The following MYH2 variants were observed in gnomAD, a reference collection of about 807,000 sequenced individuals.
MYH2 encodes the protein myosin heavy chain 2, also known as myosin-2.
In MYH2, 139 loss-of-function variants were observed where a neutral mutation model predicts 228.1. The observed-to-expected ratio is 0.61, with a 90% confidence interval of 0.53 to 0.70. MYH2 has a LOEUF of 0.70. MYH2 is among the 30% of genes least tolerant of loss of function. The pLI is 0.00. For synonymous variants in MYH2, 796 were observed against 871.1 expected, an observed-to-expected ratio of 0.91 and a Z score of 1.52; for missense variants, 1,809 against 2,357.5, an observed-to-expected ratio of 0.77 and a Z score of 4.82.
chr17:10,538,987 C>A (rs1353752213), intron 14 of MYH2, among the ~76,000 whole-genome samples: 1 of 152,128 alleles, frequency 6.6e-6, no homozygotes, highest in African/African-American at 2.4e-5. Context: ...TCAGAACTCC[C>A]TTTGTATCAA....
At position 10,523,473 on chromosome 17, in the gene MYH2, T is replaced by C. The variant is rs767187821; in HGVS notation, c.5472+23A>G. The stretch of plus-strand genomic sequence containing the variant: ...ATAAGGCACTGAAAGCAGATGGAAA[T>C]AGACAGATATTGGGAGACCCACCCT... On this transcript the variant is annotated intron_variant, in intron 37 of 39. Transcript: ENST00000245503. The C allele has an allele frequency of 5.0e-6, 8 of 1,614,064 alleles. No individual in the cohort carries two copies. In the Admixed American group the frequency reaches 1.2e-4, roughly 24 times the overall value.
chr17:10,536,450 A>T lies in MYH2; in HGVS notation c.1974+80T>A. On this transcript the variant is annotated intron_variant, in intron 17 of 39. Coordinates refer to ENST00000245503, the MANE Select transcript of MYH2 (RefSeq NM_017534.6). Reference sequence around the variant, plus strand: ...TAGATAAATATATCCTTAGAACAAAAATAGAAGTTCAGAAAAACAGACCCA... The same window carrying T: ...TAGATAAATATATCCTTAGAACAAATATAGAAGTTCAGAAAAACAGACCCA... 4.3e-6 allele frequency: 5 copies of T among 1,164,444 alleles called. No homozygotes were observed. The South Asian group carries it at 5.5e-5, about 13-fold the overall frequency. 72.1% of individuals were successfully genotyped at this position (1,164,444 alleles called of 1,614,324 possible). A position where few individuals can be genotyped will look rare whatever the true frequency, so the allele number is the denominator to read the frequency against.
At chr17:10,533,459 A>G in intron 20 of MYH2, 38 bp from the exon 21 acceptor site, 2 of 1,614,130 alleles carry the variant, frequency 1.2e-6, no homozygotes, top group Admixed American at 3.3e-5. Context: ...AAGCTTTAAT[A>G]AAGTTCAAAG....
Position 10,528,958 on chromosome 17 carries a change from G to T in MYH2, c.3476C>A (p.Ala1159Asp), listed in dbSNP as rs570058780. ...LEEISERLEEAGGATSAQIEM... is the reference protein window; with the variant it reads ...LEEISERLEEDGGATSAQIEM... ...AATCTGGGCTGAAGTGGCCCCACCG[G>T]CTTCTTCCAGCCTCTCGCTGATCTC... The change falls in exon 27 of 40, where the codon GCC becomes GAC. Residue 1159 changes from alanine to aspartate, a missense_variant. By Grantham distance (126) the Ala-to-Asp change is moderately radical. Around this residue, in one of 9 missense-constraint regions of MYH2, gnomAD observed 636 missense variants for 729.9 expected, o/e 0.87. Coordinates refer to ENST00000245503, the MANE Select transcript of MYH2 (RefSeq NM_017534.6). The T allele has an allele frequency of 6.2e-7, 1 of 1,614,164 alleles. No homozygotes were observed. Among genetic ancestry groups the T allele is most frequent in the Admixed American group, 1.7e-5 (1 of 60,028 alleles).
Position 10,524,560 on chromosome 17 carries a change from A to G in MYH2, c.5081T>C (p.Leu1694Pro). The G allele has an allele frequency of 6.2e-7, 1 of 1,614,156 alleles. No individual in the cohort carries two copies. The highest frequency in any genetic ancestry group is 8.5e-7 in the Non-Finnish European group (1 of 1,180,030). ...CTCTGTCTGTTCCAGAGTGGCCCGC[A>G]GCTCCTCGATCTCAGCCTGCAGCAG... is the stretch of plus-strand genomic sequence containing the variant. ...ANLLQAEIEE[L>P]RATLEQTERS... The change falls in exon 35 of 40, where the codon CTG becomes CCG. Residue 1694 changes from leucine (L) to proline (P), a missense_variant. Physicochemically the swap from Leu to Pro is moderately conservative, Grantham distance 98. This residue lies in a region of MYH2 where 278 missense variants were observed against 308.5 expected (regional missense o/e 0.90). Transcript: ENST00000245503. The surrounding 1 kb of genome is among the most constrained non-coding windows in gnomAD (Gnocchi z 4.7).
At chr17:10,530,408 G>C (rs373081887) in intron 22 of MYH2, among the ~76,000 whole-genome samples, 2 of 152,210 alleles carry the variant, frequency 1.3e-5, no homozygotes, top group East Asian at 3.8e-4. Flanking sequence ...AAGAATTGCT[G>C]TTTGATTTGG....
chr17:10,549,499 T>C (rs2073675242), intron 1 of MYH2, 82 bp from the exon 2 acceptor site: 1 of 152,590 alleles, frequency 6.6e-6, no homozygotes. Flanking sequence ...GGCTTGCTAT[T>C]GTAAACAGAA....
Position 10,525,604 on chromosome 17 carries a change from A to G in MYH2, c.4384T>C (p.Trp1462Arg). The G allele has an allele frequency of 6.2e-7, 1 of 1,614,156 alleles. No individual in the cohort carries two copies. The highest frequency in any genetic ancestry group is 8.5e-7 in the Non-Finnish European group (1 of 1,180,028). ...TGCGTTTCCTCACATTTCTGTTTCC[A>G]TTCTGCCAGGATCTGAAAAACCAAG... The part of the protein sequence containing the change: ...QRNFDKILAE[W>R]KQKCEETHAE... The change falls in exon 32 of 40, where the codon TGG becomes CGG. Residue 1462 changes from tryptophan to arginine, a missense_variant. Coordinates refer to ENST00000245503, the MANE Select transcript of MYH2 (RefSeq NM_017534.6). The surrounding 1 kb of genome is among the most constrained non-coding windows in gnomAD (Gnocchi z 4.2).
Position 10,547,902 on chromosome 17 carries a change from A to G in MYH2, c.19T>C (p.Leu7=), listed in dbSNP as rs753844617. ...GGAGCAGCCTCCCCAAAAACAGCCA[A>G]TTCTGAGTCTGAACTCATGGCTGCT... MSSDSE[L]AVFGEAAPFL... Residue 7 remains leucine (L), a synonymous_variant, in exon 3 of 40, where the codon TTG becomes CTG. Coordinates refer to ENST00000245503, the MANE Select transcript of MYH2 (RefSeq NM_017534.6). The G allele has an allele frequency of 2.1e-5, 34 of 1,614,044 alleles. No homozygotes were observed. Among genetic ancestry groups the G allele is most frequent in the East Asian group, 2.2e-5 (1 of 44,890 alleles).
intron 11 of MYH2, 39 bp from the exon 12 acceptor site, chr17:10,540,105 T>C (rs762997695): frequency 1.2e-6 from 2 of 1,613,264 alleles, no homozygotes; most frequent in East Asian, 2.2e-5. Flanking sequence ...TAGGTTGTGA[T>C]CCACACGCTT....
At chr17:10,547,985 G>A (rs2073657160) in intron 2 of MYH2, 45 bp from the exon 3 acceptor site, 3 of 1,489,626 alleles carry the variant, frequency 2.0e-6, no homozygotes, top group Non-Finnish European at 2.8e-6. Context: ...GGATTGCCAT[G>A]TATACCAATA....
intron 39 of MYH2, among the ~76,000 whole-genome samples, chr17:10,521,957 T>C (rs190452669): frequency 7.9e-5 from 12 of 152,198 alleles, no homozygotes; most frequent in Non-Finnish European, 1.5e-5. Flanking sequence ...TTGTAAGAAT[T>C]AACCTTATTT....
chr17:10,547,910 T>A lies in MYH2; in HGVS notation c.11A>T (p.Asp4Val), dbSNP rs1248954420. The change falls in exon 3 of 40, where the codon GAC (aspartate) becomes GTC (valine). Residue 4 changes from aspartate (D) to valine (V), a missense_variant. By Grantham distance (152) the Asp-to-Val change is radical. Coordinates refer to ENST00000245503, the MANE Select transcript of MYH2 (RefSeq NM_017534.6). Reference protein sequence around the residue: MSSDSELAVFGEAA... With the variant: MSSVSELAVFGEAA... ...CTCCCCAAAAACAGCCAATTCTGAG[T>A]CTGAACTCATGGCTGCTGAACTCAG... 2 of 1,614,124 alleles carry A rather than the reference T, an allele frequency of 1.2e-6. No homozygotes were observed. Among genetic ancestry groups the A allele is most frequent in the Admixed American group, 1.7e-5 (1 of 60,002 alleles).
chr17:10,537,649 G>A lies in MYH2; in HGVS notation c.1587+16C>T, dbSNP rs1446165090. On this transcript the variant is annotated intron_variant, in intron 15 of 39. Transcript: ENST00000245503. The surrounding 1 kb of genome is among the most constrained non-coding windows in gnomAD (Gnocchi z 4.0). ...ATAGTTGCCGCAAAATATGGTTTCA[G>A]AAATGCAAAACCAACCTTCTCGATG... is the stretch of plus-strand genomic sequence containing the variant. The A allele has an allele frequency of 6.2e-7, 1 of 1,614,008 alleles. No homozygotes were observed. Among genetic ancestry groups the A allele is most frequent in the Non-Finnish European group, 8.5e-7 (1 of 1,180,026 alleles).
At chr17:10,527,522 C>G (rs1385723524) in intron 28 of MYH2, among the ~76,000 whole-genome samples, 2 of 152,230 alleles carry the variant, frequency 1.3e-5, no homozygotes, top group African/African-American at 4.8e-5. Context: ...TCGCAATGAG[C>G]AAATACTCAA....
chr17:10,541,434 A>T (rs543015411), intron 10 of MYH2, among the ~76,000 whole-genome samples: 4 of 152,272 alleles, frequency 2.6e-5, no homozygotes, highest in Non-Finnish European at 4.4e-5. Context: ...AGGACAAGGA[A>T]ATCCCGCCTA....
rs773342294 is a variant in MYH2 at position 10,521,298 on chromosome 17, T to C, written c.5808A>G (p.Lys1936=). The C allele has an allele frequency of 6.2e-7, 1 of 1,613,990 alleles. No individual in the cohort carries two copies. The highest frequency in any genetic ancestry group is 8.5e-7 in the Non-Finnish European group (1 of 1,180,022). The change falls in exon 40 of 40, where the codon AAA becomes AAG. Residue 1936 remains lysine (K), a synonymous_variant. Coordinates refer to ENST00000245503, the MANE Select transcript of MYH2 (RefSeq NM_017534.6). ...GACATGATCACTCTTCACTTATGAC[T>C]TTTGTGTGAACCTCCCGGCTCTTCA... The part of the protein sequence containing the change: ...LRVKSREVHT[K]VISEE
chr17:10,523,845 C>T lies in MYH2; in HGVS notation c.5215G>A (p.Asp1739Asn). ...ATCTCTCCTTGCATTTGGGAAATAT[C>T]TGTCTCCAGCTTCTTCTTGGTGTTG... ...LINTKKKLET[D>N]ISQMQGEMED... The change falls in exon 36 of 40, where the codon GAT (aspartate) becomes AAT (asparagine). Residue 1739 changes from aspartate (D) to asparagine (N), a missense_variant. Asp to Asn is a conservative substitution (Grantham distance 23). Coordinates refer to ENST00000245503, the MANE Select transcript of MYH2 (RefSeq NM_017534.6). The T allele has an allele frequency of 6.2e-7, 1 of 1,613,966 alleles. No individual in the cohort carries two copies.
chr17:10,538,469 G>A (rs555523892), intron 14 of MYH2, among the ~76,000 whole-genome samples: 2 of 151,932 alleles, frequency 1.3e-5, no homozygotes, highest in Admixed American at 6.6e-5. Context: ...GTGAAACCTC[G>A]TCTCTACTAA....
Sources: allele counts gnomAD v4.1 joint callset (sites outside exome capture counted in the v4.1 genomes callset), GRCh38; gene constraint gnomAD v4.1.1; regional missense constraint gnomAD v4.1.1; non-coding constraint Gnocchi (gnomAD v3.1); transcripts MANE v1.5; gene names NCBI Gene and HGNC (gene_info 2026-07-23, HGNC 2026-07-21).